The following PTPRR variants were observed in gnomAD, a reference collection of about 807,000 sequenced individuals.
The protein encoded by PTPRR is protein tyrosine phosphatase receptor type R.
In PTPRR, 38 loss-of-function variants were observed where a neutral mutation model predicts 77.2. The ratio of observed to expected loss-of-function variants is 0.49; its 90% confidence interval spans 0.38 to 0.65. The LOEUF (loss-of-function observed/expected upper bound fraction) is 0.65. Ranked by LOEUF, PTPRR falls within the 30% of genes least tolerant of loss-of-function variation. The pLI, the probability that PTPRR is intolerant of heterozygous loss-of-function variation, is 0.00. For synonymous variants in PTPRR, 299 were observed against 283.1 expected, an observed-to-expected ratio of 1.06 and a Z score of -0.57; for missense variants, 744 against 799.2, an observed-to-expected ratio of 0.93 and a Z score of 0.83.
At position 70,788,997 on chromosome 12, in the gene PTPRR, G is replaced by T; in HGVS notation, c.358-24219C>A. On this transcript the variant is annotated intron_variant, in intron 2 of 13. Coordinates refer to ENST00000283228, the MANE Select transcript of PTPRR (RefSeq NM_002849.4). ...TGGTACTGTTTCTAGAGACACTGCG[G>T]ATCCCAGGTCTACTGCAGCAGCCTG... 6.0e-6 allele frequency: 5 copies of T among 835,072 alleles called. No homozygotes were observed. In the South Asian group the frequency reaches 1.2e-4, roughly 19 times the overall value. The allele number at this position is 835,072 out of a possible 1,614,324, so 51.7% of individuals were successfully genotyped here. A position where few individuals can be genotyped will look rare whatever the true frequency, so the allele number is the denominator to read the frequency against.
At chr12:70,700,265 T>C (rs1457279697) in intron 7 of PTPRR, among the ~76,000 whole-genome samples, 1 of 152,158 alleles carries the variant, frequency 6.6e-6, no homozygotes, top group African/African-American at 2.4e-5. Flanking sequence ...CAATACGGCT[T>C]AAGATGCAAG....
chr12:70,703,270 C>T (rs1272120107), intron 6 of PTPRR, among the ~76,000 whole-genome samples: 1 of 152,016 alleles, frequency 6.6e-6, no homozygotes, highest in Non-Finnish European at 1.5e-5. Context: ...ATTGATATGC[C>T]TATATGTTTT....
chr12:70,825,878 C>A (rs894375181), intron 2 of PTPRR, among the ~76,000 whole-genome samples: 1 of 152,222 alleles, frequency 6.6e-6, no homozygotes, highest in African/African-American at 2.4e-5. Context: ...GTGGCTCCCA[C>A]GTTACAGCTG....
At position 70,761,460 on chromosome 12, in the gene PTPRR, C is replaced by T; in HGVS notation, c.627+11G>A. On this transcript the variant is annotated intron_variant, in intron 4 of 13. Coordinates refer to ENST00000283228, the MANE Select transcript of PTPRR (RefSeq NM_002849.4). ...ACATTTTTAAATGAATTGTTTCGTG[C>T]AACAACATACCTCAGGAGAGACTTC... 1 of 1,561,260 alleles carries T rather than the reference C, an allele frequency of 6.4e-7. No individual in the cohort carries two copies. Among genetic ancestry groups the T allele is most frequent in the East Asian group, 2.3e-5 (1 of 43,720 alleles).
At chr12:70,878,829 T>A (rs1192759992) in intron 2 of PTPRR, among the ~76,000 whole-genome samples, 1 of 152,110 alleles carries the variant, frequency 6.6e-6, no homozygotes, top group Non-Finnish European at 1.5e-5. Context: ...CTATTCACAA[T>A]AGCAAAGACT....
At chr12:70,703,616 G>A (rs1285815784) in intron 6 of PTPRR, among the ~76,000 whole-genome samples, 2 of 152,112 alleles carry the variant, frequency 1.3e-5, no homozygotes, top group Non-Finnish European at 2.9e-5. Flanking sequence ...AAATCCTTAC[G>A]GATTCTGATA....
At chr12:70,843,091 G>T (rs1892424241) in intron 2 of PTPRR, among the ~76,000 whole-genome samples, 1 of 152,220 alleles carries the variant, frequency 6.6e-6, no homozygotes, top group East Asian at 1.9e-4. Context: ...GTACAAAAAA[G>T]TGACAAGTGA....
intron 10 of PTPRR, among the ~76,000 whole-genome samples, chr12:70,676,645 G>T (rs1352848245): frequency 6.6e-6 from 1 of 152,018 alleles, no homozygotes; most frequent in Non-Finnish European, 1.5e-5. Flanking sequence ...ATGGGTTAAT[G>T]ATCAAATAAA....
chr12:70,770,350 G>C (rs1311508934), intron 2 of PTPRR, among the ~76,000 whole-genome samples: 1 of 152,038 alleles, frequency 6.6e-6, no homozygotes, highest in Non-Finnish European at 1.5e-5. Context: ...GTGGGCAAAG[G>C]ATATGAACAG....
chr12:70,690,278 T>C (rs578150038), intron 8 of PTPRR, among the ~76,000 whole-genome samples: 16 of 152,300 alleles, frequency 1.1e-4, no homozygotes, highest in African/African-American at 3.8e-4. Context: ...ATAGTATATA[T>C]AAGTTTTCTG....
intron 1 of PTPRR, chr12:70,906,984 T>C (rs1474335268): frequency 6.6e-6 from 1 of 152,492 alleles, no homozygotes; most frequent in African/African-American, 2.4e-5. Context: ...CTTTGTTCCT[T>C]CTCCACTCCT....
At chr12:70,882,067 T>C (rs1386054871) in intron 2 of PTPRR, among the ~76,000 whole-genome samples, 1 of 152,186 alleles carries the variant, frequency 6.6e-6, no homozygotes, top group Admixed American at 6.5e-5. Flanking sequence ...CCAATCTTCT[T>C]CAACCTGGTT....
intron 2 of PTPRR, among the ~76,000 whole-genome samples, chr12:70,876,962 T>C (rs1050055504): frequency 1.3e-5 from 2 of 152,126 alleles, no homozygotes; most frequent in Non-Finnish European, 2.9e-5. Flanking sequence ...AGAGTAGCAG[T>C]TGGGTGTCTC....
At chr12:70,701,080 T>C in intron 7 of PTPRR, 57 bp downstream of exon 7, 1 of 1,574,110 alleles carries the variant, frequency 6.4e-7, no homozygotes, top group South Asian at 1.1e-5. Flanking sequence ...CATACGTCTC[T>C]AGTGCCCCAT....
chr12:70,803,452 T>G (rs969586747), intron 2 of PTPRR, among the ~76,000 whole-genome samples: 3 of 152,106 alleles, frequency 2.0e-5, no homozygotes, highest in Non-Finnish European at 4.4e-5. Flanking sequence ...AGAAGCAGTA[T>G]GCAAATTCAA....
intron 2 of PTPRR, among the ~76,000 whole-genome samples, chr12:70,889,526 A>G (rs1313887006): frequency 6.6e-6 from 1 of 152,118 alleles, no homozygotes; most frequent in Non-Finnish European, 1.5e-5. Context: ...AGTATTTGCA[A>G]AGAATTTTCT....
intron 6 of PTPRR, among the ~76,000 whole-genome samples, chr12:70,714,473 T>C (rs1300318341): frequency 2.0e-5 from 3 of 152,176 alleles, no homozygotes; most frequent in Non-Finnish European, 4.4e-5. Context: ...AAATTTCATA[T>C]AGTTTTGCAA....
intron 2 of PTPRR, among the ~76,000 whole-genome samples, chr12:70,810,730 T>C (rs1332711352): frequency 1.3e-5 from 2 of 152,190 alleles, no homozygotes; most frequent in East Asian, 3.8e-4. Flanking sequence ...TACCTAAAAT[T>C]TTAAATGACA....
intron 2 of PTPRR, among the ~76,000 whole-genome samples, chr12:70,889,445 A>G (rs1893296581): frequency 1.3e-5 from 2 of 152,216 alleles, no homozygotes; most frequent in African/African-American, 4.8e-5. Flanking sequence ...CGAGTTTAGA[A>G]TGTAATTAAA....
Sources: gnomAD v4.1 joint callset for allele counts (sites outside exome capture counted in the v4.1 genomes callset) on GRCh38, gnomAD v4.1.1 for gene constraint, MANE v1.5 for transcripts, NCBI Gene and HGNC (gene_info 2026-07-23, HGNC 2026-07-21) for gene names.